TENM2: variants seen among roughly 807,000 people sequenced by gnomAD.
TENM2 encodes the protein teneurin-2.
TENM2 carries 52 observed loss-of-function variants against 245.2 expected under a neutral mutation model. The ratio of observed to expected loss-of-function variants is 0.21; its 90% CI spans 0.17 to 0.27. The LOEUF is 0.27. Among genes scored for constraint, TENM2 ranks in the 10% least tolerant of loss-of-function variants. TENM2 has a pLI of 1.00. For synonymous variants in TENM2, 1,363 were observed against 1,438.9 expected (o/e 0.95, Z 1.19); for missense variants, 3,046 against 3,666.8 (o/e 0.83, Z 4.37).
intron 2 of TENM2, among the ~76,000 whole-genome samples, chr5:167,740,434 C>T (rs1761102117): frequency 6.6e-6 from 1 of 152,132 alleles, no homozygotes; most frequent in African/African-American, 2.4e-5. Context: ...TTGGATTGTG[C>T]AGTCAATTGA....
At chr5:167,940,988 A>G (rs76822241) in intron 3 of TENM2, among the ~76,000 whole-genome samples, 69 of 152,346 alleles carry the variant, frequency 4.5e-4, no homozygotes, top group Non-Finnish European at 6.5e-4. Flanking sequence ...CACGTGAGAG[A>G]TGACTCCCTC....
rs1191528749 is a variant in TENM2, at chr5:167,899,214, AGAG to A, written c.712+23020_712+23022del. 2.0e-5 allele frequency among the ~76,000 whole-genome samples: 3 copies of A among 152,196 alleles called. No homozygotes were observed. In the East Asian group the frequency reaches 5.8e-4, roughly 29 times the overall value. ...TGCATGTGCAGGGGAAAAAATAGAA[AGAG>A]AAGAAGAAAGCAAAAGGGGCAAGAG... On this transcript the variant is annotated intron_variant, in intron 3 of 28. Coordinates refer to ENST00000518659, the Ensembl canonical transcript of TENM2.
chr5:167,244,506 C>T, the TENM2 span, among the ~76,000 whole-genome samples: 2 of 152,146 alleles, frequency 1.3e-5, no homozygotes, highest in Non-Finnish European at 2.9e-5. Flanking sequence ...ATGTATTTGT[C>T]CCAGAAATAT....
intron 3 of TENM2, among the ~76,000 whole-genome samples, chr5:167,941,424 G>A (rs1040621047): frequency 6.6e-6 from 1 of 152,152 alleles, no homozygotes; most frequent in Admixed American, 6.5e-5. Context: ...AAAAATAAGT[G>A]CACTGATTAT....
At chr5:167,006,227 GAATA>G in the TENM2 span, among the ~76,000 whole-genome samples, 180 of 152,154 alleles carry the variant, frequency 1.2e-3, 1 homozygote, top group African/African-American at 4.1e-3. Context: ...TAAAATATCA[GAATA>G]AACAGACACT....
At chr5:167,088,461 T>C in the TENM2 span, among the ~76,000 whole-genome samples, 1 of 151,976 alleles carries the variant, frequency 6.6e-6, no homozygotes, top group South Asian at 2.1e-4. Flanking sequence ...ACCTGCTCTC[T>C]ACTAAAAGTA....
At chr5:167,768,114 C>T (rs552717707) in intron 2 of TENM2, among the ~76,000 whole-genome samples, 2 of 152,278 alleles carry the variant, frequency 1.3e-5, no homozygotes, top group East Asian at 1.9e-4. Flanking sequence ...TAACTACTCC[C>T]GTTCCCCTGT....
At chr5:167,001,176 T>C in the TENM2 span, among the ~76,000 whole-genome samples, 2 of 152,182 alleles carry the variant, frequency 1.3e-5, no homozygotes, top group Admixed American at 1.3e-4. Flanking sequence ...CCTTGACTAA[T>C]GTTATAGGTG....
chr5:167,582,198 T>C (rs983771229), intron 2 of TENM2, among the ~76,000 whole-genome samples: 4 of 152,186 alleles, frequency 2.6e-5, no homozygotes, highest in African/African-American at 9.7e-5. Context: ...TTTTCACTCT[T>C]CTCTGAGTTC....
the TENM2 span, among the ~76,000 whole-genome samples, chr5:167,265,445 A>G: frequency 6.6e-6 from 1 of 152,136 alleles, no homozygotes; most frequent in African/African-American, 2.4e-5. Flanking sequence ...GCATCATCAA[A>G]TAATTTTACT....
At chr5:168,217,221 C>G (rs1686376565) in intron 22 of TENM2, among the ~76,000 whole-genome samples, 1 of 152,222 alleles carries the variant, frequency 6.6e-6, no homozygotes, top group Non-Finnish European at 1.5e-5. Context: ...AATTACCTCC[C>G]TTCTCCATCA....
chr5:167,774,884 G>C (rs1763658394), intron 2 of TENM2, among the ~76,000 whole-genome samples: 1 of 152,296 alleles, frequency 6.6e-6, no homozygotes, highest in African/African-American at 2.4e-5. Context: ...TTTCCCCCCA[G>C]TGCATCTGTT....
the TENM2 span, among the ~76,000 whole-genome samples, chr5:167,004,013 T>C: frequency 6.6e-6 from 1 of 152,186 alleles, no homozygotes; most frequent in East Asian, 1.9e-4. Context: ...TGCTCAGGAA[T>C]TGTAATTCAT....
At chr5:168,133,845 CAG>C (rs1393649839) in intron 12 of TENM2, among the ~76,000 whole-genome samples, 1 of 152,160 alleles carries the variant, frequency 6.6e-6, no homozygotes, top group Admixed American at 6.5e-5. Flanking sequence ...AGCATGATAA[CAG>C]AGTTTTTAAG....
At position 167,498,736 on chromosome 5, in the gene TENM2, GA is replaced by G. The variant is rs373940614; in HGVS notation, c.502+123272del. 9.4e-3 allele frequency among the ~76,000 whole-genome samples: 1,405 copies of G among 150,148 alleles called. 25 individuals carry two copies. The highest frequency in any genetic ancestry group is 0.033 in the African/African-American group (1,333 of 40,996). On this transcript the variant is annotated intron_variant, in intron 2 of 28. Transcript: ENST00000518659. ...AGGATGATGACAAAACATGAATTAA[GA>G]AAAAAAAATACACTTTTCATGCTTA...
At chr5:168,125,218 G>C (rs1795760782) in intron 11 of TENM2, among the ~76,000 whole-genome samples, 168 bp downstream of exon 13, 1 of 152,156 alleles carries the variant, frequency 6.6e-6, no homozygotes, top group Non-Finnish European at 1.5e-5. Context: ...TGGAGTCTGT[G>C]ATCTTTGAGA....
chr5:168,197,200 G>T (rs996013667), intron 15 of TENM2, among the ~76,000 whole-genome samples: 6 of 152,170 alleles, frequency 3.9e-5, no homozygotes, highest in Non-Finnish European at 8.8e-5. Context: ...GTAAACTATT[G>T]TACTGTACAT....
chr5:167,283,130 G>A (rs1486476658), upstream of TENM2, among the ~76,000 whole-genome samples: 1 of 151,706 alleles, frequency 6.6e-6, no homozygotes, highest in Non-Finnish European at 1.5e-5. Context: ...TGCAACCTCT[G>A]CCTCCTGGGT....
At chr5:168,226,056 C>T (rs369701629) in intron 23 of TENM2, 32 bp from the exon 26 acceptor site, 202 of 1,595,144 alleles carry the variant, frequency 1.3e-4, no homozygotes, top group Non-Finnish European at 1.3e-4. Flanking sequence ...TGCTGCTAAC[C>T]AGGGTTTATC....
Sources: allele counts gnomAD v4.1 joint callset (sites outside exome capture counted in the v4.1 genomes callset), GRCh38; gene constraint gnomAD v4.1.1; transcripts MANE v1.5; gene names NCBI Gene and HGNC (gene_info 2026-07-23, HGNC 2026-07-21).